NIPSNAP1: variants seen among roughly 807,000 people sequenced by gnomAD.
NIPSNAP1 encodes nipsnap homolog 1.
In NIPSNAP1, 25 loss-of-function variants were observed where a neutral mutation model predicts 49.2. The ratio of observed to expected loss-of-function variants is 0.51; its 90% CI spans 0.37 to 0.71. The LOEUF (loss-of-function observed/expected upper bound fraction) is 0.71, where lower values mean the gene tolerates loss of function less well. Ranked by LOEUF, NIPSNAP1 falls within the 30% of genes least tolerant of loss-of-function variation. The pLI is 0.00. For synonymous variants in NIPSNAP1, 143 were observed against 140.7 expected (o/e 1.02, Z -0.12); for missense variants, 294 against 361.0 (o/e 0.81, Z 1.50).
At chr22:29,578,272 G>C (rs549925380) in intron 1 of NIPSNAP1, among the ~76,000 whole-genome samples, 1 of 151,130 alleles carries the variant, frequency 6.6e-6, no homozygotes, top group African/African-American at 2.5e-5. Context: ...CTGGCCTCAG[G>C]TGATCCACCC....
In NIPSNAP1 at chr22:29,581,090, C is replaced by T. The variant is rs928024289; in HGVS notation, c.-8G>A. 1.9e-6 allele frequency: 3 copies of T among 1,541,078 alleles called. No individual in the cohort carries two copies. Among genetic ancestry groups the T allele is most frequent in the Non-Finnish European group, 1.7e-6 (2 of 1,146,008 alleles). On this transcript the variant is annotated 5_prime_UTR_variant, in exon 1 of 10. Transcript: ENST00000216121. ...GCACAGCCGCGGAGCCATGTTGGAG[C>T]CGCAAAGGTTGCAGGAAGGCCCCGC... is the stretch of plus-strand genomic sequence containing the variant.
chr22:29,558,849 A>C (rs963206134), intron 9 of NIPSNAP1, 21 bp downstream of exon 9: 44 of 1,575,666 alleles, frequency 2.8e-5, no homozygotes, highest in Non-Finnish European at 3.8e-5. Flanking sequence ...TCAGCAGAAG[A>C]CCTCCAAAGG....
intron 1 of NIPSNAP1, among the ~76,000 whole-genome samples, chr22:29,571,959 A>G (rs1029569240): frequency 5.9e-5 from 9 of 152,034 alleles, no homozygotes; most frequent in Non-Finnish European, 1.2e-4. Context: ...TATTTTTACA[A>G]TACAAATACT....
chr22:29,565,437 C>T (rs779641144), intron 4 of NIPSNAP1, among the ~76,000 whole-genome samples: 2 of 151,658 alleles, frequency 1.3e-5, no homozygotes, highest in African/African-American at 2.4e-5. Context: ...TGCTTGAATC[C>T]GGGAGGCAGA....
intron 4 of NIPSNAP1, among the ~76,000 whole-genome samples, chr22:29,563,392 T>C (rs1379989273): frequency 6.6e-6 from 1 of 152,010 alleles, no homozygotes; most frequent in Admixed American, 6.6e-5. Flanking sequence ...CTGGGCGTGG[T>C]GATGCACATC....
chr22:29,564,317 A>AAAGG (rs745792404), intron 4 of NIPSNAP1: 1 of 470,536 alleles, frequency 2.1e-6, no homozygotes, highest in South Asian at 1.6e-5. Context: ...TCTTTTTCCC[A>AAAGG]AAGGAAATGG....
chr22:29,564,474 C>T (rs747974054), intron 4 of NIPSNAP1: 6 of 460,444 alleles, frequency 1.3e-5, no homozygotes, highest in South Asian at 3.1e-5. Flanking sequence ...AGTGCGGTGG[C>T]GTGATCTCAG....
intron 4 of NIPSNAP1, chr22:29,564,311 T>C (rs2064355241): frequency 2.1e-6 from 1 of 470,740 alleles, no homozygotes; most frequent in Non-Finnish European, 4.4e-6. Context: ...TAAAGGTCTT[T>C]TTCCCAAAGG....
At chr22:29,577,502 C>T (rs2064462016) in intron 1 of NIPSNAP1, among the ~76,000 whole-genome samples, 1 of 151,016 alleles carries the variant, frequency 6.6e-6, no homozygotes, top group South Asian at 2.1e-4. Flanking sequence ...TCACTGCAAC[C>T]TCCGCCCCCT....
At chr22:29,578,613 C>G (rs1473503830) in intron 1 of NIPSNAP1, among the ~76,000 whole-genome samples, 1 of 151,252 alleles carries the variant, frequency 6.6e-6, no homozygotes, top group Non-Finnish European at 1.5e-5. Context: ...GGCAGCAGGA[C>G]AGAGTGTTCT....
At chr22:29,580,750 T>C (rs1361582663) in intron 1 of NIPSNAP1, among the ~76,000 whole-genome samples, 1 of 152,010 alleles carries the variant, frequency 6.6e-6, no homozygotes, top group Middle Eastern at 3.2e-3. Context: ...CTTCTCACCA[T>C]CTTTCATCAG....
intron 1 of NIPSNAP1, among the ~76,000 whole-genome samples, chr22:29,574,493 T>C (rs1469226417): frequency 6.6e-6 from 1 of 150,888 alleles, no homozygotes; most frequent in East Asian, 2.0e-4. Context: ...AAAAGACAAT[T>C]ATCAGCCTGG....
chr22:29,560,138 A>G (rs1407943634), intron 8 of NIPSNAP1, among the ~76,000 whole-genome samples: 2 of 151,776 alleles, frequency 1.3e-5, no homozygotes, highest in African/African-American at 4.8e-5. Flanking sequence ...GCTCCTTCTC[A>G]TCCTTTAGCT....
At chr22:29,558,462 G>A (rs1658525761) in intron 9 of NIPSNAP1, among the ~76,000 whole-genome samples, 1 of 151,968 alleles carries the variant, frequency 6.6e-6, no homozygotes, top group African/African-American at 2.4e-5. Context: ...GAGTGAGACT[G>A]TGTCTCAAAA....
chr22:29,573,507 G>A (rs1046201347), intron 1 of NIPSNAP1, among the ~76,000 whole-genome samples: 1 of 152,076 alleles, frequency 6.6e-6, no homozygotes, highest in Non-Finnish European at 1.5e-5. Context: ...GGTGGCTCAC[G>A]CCTGTAATCC....
chr22:29,573,196 C>T (rs1243769697), intron 1 of NIPSNAP1, among the ~76,000 whole-genome samples: 1 of 151,976 alleles, frequency 6.6e-6, no homozygotes, highest in African/African-American at 2.4e-5. Context: ...GCCACCACGC[C>T]CAGCTAATTT....
chr22:29,576,399 T>C (rs1398653724), intron 1 of NIPSNAP1, among the ~76,000 whole-genome samples: 2 of 150,204 alleles, frequency 1.3e-5, no homozygotes, highest in Non-Finnish European at 3.0e-5. Flanking sequence ...AAAAAAACAC[T>C]ATACTTTTTG....
intron 4 of NIPSNAP1, among the ~76,000 whole-genome samples, chr22:29,566,145 T>TA (rs1169086599): frequency 8.9e-6 from 1 of 112,114 alleles, no homozygotes; most frequent in Non-Finnish European, 1.8e-5. Context: ...TTTTTTCTTT[T>TA]TAAAATCTTT....
chr22:29,573,818 A>G (rs893182272), intron 1 of NIPSNAP1, among the ~76,000 whole-genome samples: 1 of 151,152 alleles, frequency 6.6e-6, no homozygotes, highest in Non-Finnish European at 1.5e-5. Context: ...GTGCGCCTGT[A>G]GTCCCAGCTA....
Sources: allele counts gnomAD v4.1 joint callset (sites outside exome capture counted in the v4.1 genomes callset), GRCh38; gene constraint gnomAD v4.1.1; transcripts MANE v1.5; gene names NCBI Gene and HGNC (gene_info 2026-07-23, HGNC 2026-07-21).